Variants in SLC26A7 observed in about 807,000 individuals in gnomAD.
The protein encoded by SLC26A7 is solute carrier family 26 member 7.
SLC26A7 carries 59 observed loss-of-function variants against 82.5 expected under a neutral mutation model. That is an observed-to-expected ratio of 0.72 (90% CI 0.58 to 0.89). The LOEUF is 0.89. Ranked by LOEUF, SLC26A7 falls within the 40% of genes least tolerant of loss-of-function variation. The probability of loss-of-function intolerance (pLI) is 0.00; values close to 1 mark genes in which losing one functional copy is unlikely to be tolerated. For synonymous variants in SLC26A7, 271 were observed against 274.3 expected (o/e 0.99, Z 0.12); for missense variants, 820 against 793.0 (o/e 1.03, Z -0.41).
intron 2 of SLC26A7, among the ~76,000 whole-genome samples, chr8:91,226,266 C>T (rs939223515): frequency 6.6e-6 from 1 of 152,148 alleles, no homozygotes; most frequent in Non-Finnish European, 1.5e-5. Flanking sequence ...CATTTATTTT[C>T]TAACAGTGGT....
chr8:91,317,934 AATAAG>A, intron 4 of SLC26A7, among the ~76,000 whole-genome samples: 1 of 86,260 alleles, frequency 1.2e-5, no homozygotes, highest in Non-Finnish European at 2.7e-5. Context: ...CTTAAACTAT[AATAAG>A]ATATATATAT....
intron 5 of SLC26A7, among the ~76,000 whole-genome samples, chr8:91,326,292 C>T (rs868617586): frequency 6.6e-5 from 10 of 152,164 alleles, no homozygotes; most frequent in African/African-American, 1.4e-4. Flanking sequence ...CTATCACAGA[C>T]GAGGTGGCTT....
chr8:91,246,330 A>G (rs1321431538), upstream of SLC26A7, among the ~76,000 whole-genome samples: 2 of 152,236 alleles, frequency 1.3e-5, no homozygotes, highest in Non-Finnish European at 2.9e-5. Context: ...CAATCTCATG[A>G]GTCAGACTGG....
intron 2 of SLC26A7, among the ~76,000 whole-genome samples, chr8:91,222,289 A>G (rs1382973079): frequency 6.6e-6 from 1 of 152,094 alleles, no homozygotes; most frequent in Admixed American, 6.5e-5. Context: ...GGGTTTTCTA[A>G]ATATAAAATC....
intron 11 of SLC26A7, among the ~76,000 whole-genome samples, chr8:91,355,199 T>A (rs1358463998): frequency 6.6e-6 from 1 of 152,186 alleles, no homozygotes; most frequent in Non-Finnish European, 1.5e-5. Flanking sequence ...TCTAAATGGA[T>A]GCTCAATGAA....
intron 1 of SLC26A7, among the ~76,000 whole-genome samples, chr8:91,215,989 G>A (rs1475735316): frequency 6.6e-6 from 1 of 152,152 alleles, no homozygotes; most frequent in Non-Finnish European, 1.5e-5. Context: ...CATTACTAGA[G>A]ATGATGAATC....
intron 5 of SLC26A7, among the ~76,000 whole-genome samples, chr8:91,330,621 A>G (rs1813055075): frequency 6.6e-6 from 1 of 152,136 alleles, no homozygotes; most frequent in African/African-American, 2.4e-5. Flanking sequence ...GGACAAATAG[A>G]AATGAGGTTA....
chr8:91,279,439 T>A (rs1586356353), intron 2 of SLC26A7, among the ~76,000 whole-genome samples: 1 of 152,318 alleles, frequency 6.6e-6, no homozygotes, highest in East Asian at 1.9e-4. Flanking sequence ...TTCCTTTTCT[T>A]CATATCCTCA....
At chr8:91,219,431 T>G (rs1226949770) in intron 2 of SLC26A7, among the ~76,000 whole-genome samples, 1 of 152,164 alleles carries the variant, frequency 6.6e-6, no homozygotes, top group Admixed American at 6.6e-5. Flanking sequence ...GGCACTAATA[T>G]CTACTGACCT....
intron 11 of SLC26A7, among the ~76,000 whole-genome samples, chr8:91,356,487 G>A (rs1397032831): frequency 6.6e-6 from 1 of 152,190 alleles, no homozygotes; most frequent in African/African-American, 2.4e-5. Context: ...CAGTGATGAT[G>A]AGCATTTTTT....
intron 11 of SLC26A7, among the ~76,000 whole-genome samples, chr8:91,358,628 C>A (rs941987707): frequency 2.6e-5 from 4 of 151,698 alleles, no homozygotes; most frequent in Admixed American, 6.6e-5. Context: ...CCGCACCTGG[C>A]CGCACACATA....
At chr8:91,275,348 G>T (rs1001349978) in intron 2 of SLC26A7, among the ~76,000 whole-genome samples, 16 of 152,242 alleles carry the variant, frequency 1.1e-4, no homozygotes, top group African/African-American at 3.9e-4. Context: ...GCCCAGGCTG[G>T]AGTGCAGAGG....
intron 9 of SLC26A7, among the ~76,000 whole-genome samples, chr8:91,351,038 A>G (rs1161644975): frequency 1.3e-5 from 2 of 152,120 alleles, no homozygotes; most frequent in Non-Finnish European, 1.5e-5. Flanking sequence ...TGATATCTCC[A>G]TAATGATGTT....
chr8:91,249,970 AG>A, intron 2 of SLC26A7, 126 bp downstream of exon 2: 1 of 658,538 alleles, frequency 1.5e-6, no homozygotes, highest in Non-Finnish European at 2.3e-6. Context: ...TGGGGAAACA[AG>A]CATATTGGAT....
At position 91,343,482 on chromosome 8, in the gene SLC26A7, C is replaced by T. The variant is rs563383442; in HGVS notation, c.1140+16C>T. 1.3e-6 allele frequency: 2 copies of T among 1,586,914 alleles called. No individual in the cohort carries two copies. Among genetic ancestry groups the T allele is most frequent in the Non-Finnish European group, 8.6e-7 (1 of 1,160,466 alleles). ...GAAGACACAGGTAACTGAATTGTTC[C>T]ACAGGGACAAAGCACTGCTGGGCCT... On this transcript the variant is annotated intron_variant, in intron 9 of 18. Transcript: ENST00000276609.
rs373893690 is a variant in SLC26A7, at chr8:91,266,240, C to T, written c.193+16396C>T. Among the ~76,000 whole-genome samples the T allele has an allele frequency of 4.9e-4, 74 of 151,694 alleles. 1 individual carries two copies. In the South Asian group the frequency reaches 0.015, roughly 31 times the overall value. ...TCAAGGTCTTTTATGATTCCATACA[C>T]ATTTTAGGCTTTTTTTTCTATTTAT... is the stretch of plus-strand genomic sequence containing the variant. On this transcript the variant is annotated intron_variant, in intron 2 of 18. Transcript: ENST00000276609.
chr8:91,308,287 A>G (rs941854941), intron 4 of SLC26A7, among the ~76,000 whole-genome samples: 18 of 151,588 alleles, frequency 1.2e-4, no homozygotes, highest in African/African-American at 3.6e-4. Context: ...GTGTCTACAT[A>G]TAATTGTGAT....
At chr8:91,300,775 A>G (rs992838247) in intron 4 of SLC26A7, among the ~76,000 whole-genome samples, 1 of 152,212 alleles carries the variant, frequency 6.6e-6, no homozygotes, top group African/African-American at 2.4e-5. Flanking sequence ...TGCAACCTCT[A>G]TTATAACATT....
chr8:91,383,713 C>T (rs1370650025), intron 15 of SLC26A7, among the ~76,000 whole-genome samples: 1 of 152,132 alleles, frequency 6.6e-6, no homozygotes, highest in Non-Finnish European at 1.5e-5. Context: ...TATGTCAATA[C>T]GAAGAGGCAC....
Sources: allele counts gnomAD v4.1 joint callset (sites outside exome capture counted in the v4.1 genomes callset), GRCh38; gene constraint gnomAD v4.1.1; transcripts MANE v1.5; gene names NCBI Gene and HGNC (gene_info 2026-07-23, HGNC 2026-07-21).